The following CPAP variants were observed in gnomAD, a reference collection of about 807,000 sequenced individuals.
CPAP encodes the protein centrosome assembly and centriole elongation protein.
At chr13:24,930,418 T>C in the CPAP span, among the ~76,000 whole-genome samples, 1 of 152,196 alleles carries the variant, frequency 6.6e-6, no homozygotes, top group East Asian at 1.9e-4. Flanking sequence ...CTCACCCAGA[T>C]ACTGAGCATT....
the CPAP span, chr13:24,909,732 A>C: frequency 6.7e-7 from 1 of 1,482,238 alleles, no homozygotes; most frequent in Non-Finnish European, 9.3e-7. Flanking sequence ...GAAAGGCTTC[A>C]TCTTAGGACA....
the CPAP span, among the ~76,000 whole-genome samples, chr13:24,922,423 G>GC: frequency 6.6e-6 from 1 of 150,966 alleles, no homozygotes; most frequent in Admixed American, 6.5e-5. Context: ...AGGACAGCCA[G>GC]CAACGCTACT....
the CPAP span, chr13:24,883,079 C>T: frequency 9.2e-7 from 1 of 1,084,322 alleles, no homozygotes; most frequent in Non-Finnish European, 1.4e-6. Context: ...TAATCTTTTC[C>T]CCACACATAC....
chr13:24,929,678 G>A, the CPAP span, among the ~76,000 whole-genome samples: 5 of 151,934 alleles, frequency 3.3e-5, no homozygotes, highest in Non-Finnish European at 5.9e-5. Context: ...GGGACTTTGG[G>A]GCCACTGTTT....
chr13:24,926,859 C>G, the CPAP span, among the ~76,000 whole-genome samples: 4 of 152,210 alleles, frequency 2.6e-5, no homozygotes, highest in African/African-American at 9.6e-5. Context: ...AGCTGCTAGC[C>G]CATCTACAAA....
the CPAP span, among the ~76,000 whole-genome samples, chr13:24,924,090 C>T: frequency 5.3e-5 from 8 of 152,118 alleles, no homozygotes; most frequent in Admixed American, 2.0e-4. Flanking sequence ...GCCTCGGCCT[C>T]CCAAAGTGCT....
At chr13:24,926,469 G>A in the CPAP span, among the ~76,000 whole-genome samples, 4 of 152,114 alleles carry the variant, frequency 2.6e-5, no homozygotes, top group East Asian at 1.9e-4. Flanking sequence ...TCATGCACAA[G>A]GGAAACGGGT....
the CPAP span, chr13:24,909,838 G>T: frequency 6.2e-7 from 1 of 1,613,788 alleles, no homozygotes; most frequent in South Asian, 1.1e-5. Context: ...TTTTCCACAG[G>T]TGCTTCTTGA....
the CPAP span, among the ~76,000 whole-genome samples, chr13:24,905,187 A>G: frequency 1.3e-5 from 2 of 152,238 alleles, no homozygotes; most frequent in African/African-American, 4.8e-5. Flanking sequence ...AGCCTCATAT[A>G]GACCCATAAA....
At chr13:24,885,209 GTGTTT>G in the CPAP span, 2 of 1,055,658 alleles carry the variant, frequency 1.9e-6, no homozygotes, top group African/African-American at 3.1e-5. Context: ...TAGATTCTAT[GTGTTT>G]CAACTATTTT....
At chr13:24,899,577 T>G in the CPAP span, 1 of 1,613,442 alleles carries the variant, frequency 6.2e-7, no homozygotes, top group South Asian at 1.1e-5. Context: ...AAGTCTGCAA[T>G]TTCTTTCCTA....
chr13:24,892,993 C>T, the CPAP span: 15 of 757,448 alleles, frequency 2.0e-5, no homozygotes, highest in Admixed American at 1.8e-4. Context: ...AGTCAACAGA[C>T]GACATTTAAG....
the CPAP span, chr13:24,889,120 G>A: frequency 3.4e-6 from 2 of 590,432 alleles, no homozygotes; most frequent in Admixed American, 3.0e-5. Flanking sequence ...ATTTAAAACC[G>A]AAGCATGGAC....
chr13:24,906,432 G>A, the CPAP span: 5 of 1,613,648 alleles, frequency 3.1e-6, no homozygotes, highest in African/African-American at 2.7e-5. Context: ...TTAGCAGCCA[G>A]CCGGCTGGCC....
At chr13:24,887,786 G>A in the CPAP span, among the ~76,000 whole-genome samples, 1 of 152,194 alleles carries the variant, frequency 6.6e-6, no homozygotes, top group Non-Finnish European at 1.5e-5. Flanking sequence ...GGTCCCTGAT[G>A]CCAAAAAGGT....
At chr13:24,886,280 A>G in the CPAP span, 1 of 1,287,416 alleles carries the variant, frequency 7.8e-7, no homozygotes, top group Non-Finnish European at 1.0e-6. Context: ...TCCATGTTAA[A>G]AAGTGTAACA....
At chr13:24,892,609 T>C in the CPAP span, 4 of 1,533,338 alleles carry the variant, frequency 2.6e-6, no homozygotes, top group South Asian at 2.2e-5. Context: ...AAGCTCCCCC[T>C]GGCCTGACAC....
chr13:24,922,116 T>C, the CPAP span, among the ~76,000 whole-genome samples: 5 of 152,242 alleles, frequency 3.3e-5, no homozygotes, highest in African/African-American at 7.2e-5. Flanking sequence ...ATAGCAATTA[T>C]ACCTCAATAA....
chr13:24,883,317 C>A, the CPAP span: 2 of 1,613,594 alleles, frequency 1.2e-6, no homozygotes, highest in Non-Finnish European at 1.7e-6. Context: ...TTGAACTGGG[C>A]AGTATGTAGT....
Sources: gnomAD v4.1 joint callset for allele counts (sites outside exome capture counted in the v4.1 genomes callset) on GRCh38, gnomAD v4.1.1 for gene constraint, MANE v1.5 for transcripts, NCBI Gene and HGNC (gene_info 2026-07-23, HGNC 2026-07-21) for gene names.